The following GMDS variants were observed in gnomAD, a reference collection of about 807,000 sequenced individuals.
The protein encoded by GMDS is GDP-mannose 4,6 dehydratase.
GMDS carries 20 observed loss-of-function variants against 49.9 expected under a neutral mutation model. That is an observed-to-expected ratio of 0.40 (90% CI 0.28 to 0.58). The LOEUF (loss-of-function observed/expected upper bound fraction) is 0.58. GMDS is among the 20% of genes least tolerant of loss of function. The pLI, the probability that GMDS is intolerant of heterozygous loss-of-function variation, is 0.42. For synonymous variants in GMDS, 177 were observed against 178.6 expected (o/e 0.99, Z 0.07); for missense variants, 362 against 481.4 (o/e 0.75, Z 2.32).
At chr6:1,680,854 A>G (rs1241130617) in intron 9 of GMDS, among the ~76,000 whole-genome samples, 1 of 152,204 alleles carries the variant, frequency 6.6e-6, no homozygotes, top group Admixed American at 6.5e-5. Flanking sequence ...TGAAATGGAC[A>G]TAAGTGACCT....
At chr6:2,124,659 T>C (rs760433425) in intron 2 of GMDS, 28 bp downstream of exon 2, 1 of 1,598,318 alleles carries the variant, frequency 6.3e-7, no homozygotes, top group Non-Finnish European at 8.6e-7. Context: ...CCCACCAGCC[T>C]GCGCCCGCTT....
intron 7 of GMDS, among the ~76,000 whole-genome samples, chr6:1,845,140 C>A (rs1757332907): frequency 6.6e-6 from 1 of 152,206 alleles, no homozygotes; most frequent in African/African-American, 2.4e-5. Context: ...GTTTTCATAT[C>A]ACACAGCATT....
At chr6:1,669,585 G>A (rs1764348090) in intron 9 of GMDS, among the ~76,000 whole-genome samples, 1 of 152,152 alleles carries the variant, frequency 6.6e-6, no homozygotes, top group African/African-American at 2.4e-5. Flanking sequence ...CCGCAGCTCA[G>A]GCACCTCTGT....
At chr6:1,801,942 G>A (rs1311347384) in intron 7 of GMDS, among the ~76,000 whole-genome samples, 2 of 152,044 alleles carry the variant, frequency 1.3e-5, no homozygotes, top group Admixed American at 6.5e-5. Context: ...CTCCCACCCC[G>A]AATAAAAACG....
intron 1 of GMDS, among the ~76,000 whole-genome samples, chr6:2,157,606 C>T (rs886192738): frequency 6.6e-6 from 1 of 152,154 alleles, no homozygotes. Context: ...GAGTAATTTT[C>T]ACTACCAAAA....
At position 1,624,408 on chromosome 6, in the gene GMDS, G is replaced by A; in HGVS notation, c.1056+64C>T. 4.7e-6 allele frequency: 7 copies of A among 1,476,680 alleles called. No individual in the cohort carries two copies. The South Asian group carries it at 6.9e-5, about 15-fold the overall frequency. The allele number at this position is 1,476,680 out of a possible 1,614,324, so 91.5% of individuals were successfully genotyped here. On this transcript the variant is annotated intron_variant, in intron 10 of 10. Coordinates refer to ENST00000380815, the MANE Select transcript of GMDS (RefSeq NM_001500.4). ...GCAGGCGCCTCAGGCGCCCGACCCTGAGAGCTGCCGCCCTGCAGCCCGGGG... is the reference window on the plus strand; with the variant it reads ...GCAGGCGCCTCAGGCGCCCGACCCTAAGAGCTGCCGCCCTGCAGCCCGGGG...
rs1027684250 is a variant in GMDS, at chr6:2,245,384, G to T, written c.39C>A (p.Gly13=). The part of the protein sequence containing the change: ...HAPARCPSAR[G]SGDGEMGKPR... ...GCTTGCCCATCTCGCCGTCCCCGGA[G>T]CCCCGGGCGCTGGGGCAGCGTGCCG... is the stretch of plus-strand genomic sequence containing the variant. The change falls in exon 1 of 11, where the codon GGC becomes GGA. Residue 13 remains glycine (G), a synonymous_variant. Transcript: ENST00000380815. The T allele has an allele frequency of 1.3e-6, 2 of 1,545,544 alleles. No individual in the cohort carries two copies. The highest frequency in any genetic ancestry group is 1.4e-5 in the African/African-American group (1 of 72,162).
intron 1 of GMDS, among the ~76,000 whole-genome samples, chr6:2,138,306 A>G (rs1264054652): frequency 6.6e-6 from 1 of 152,226 alleles, no homozygotes; most frequent in East Asian, 1.9e-4. Flanking sequence ...AGTGAAAAAT[A>G]TCTTTAAGTT....
At chr6:1,963,499 T>G (rs1403800513) in intron 4 of GMDS, among the ~76,000 whole-genome samples, 3 of 152,238 alleles carry the variant, frequency 2.0e-5, no homozygotes, top group Non-Finnish European at 4.4e-5. Context: ...AATGTTTTAT[T>G]CCAAGAGTTT....
intron 7 of GMDS, among the ~76,000 whole-genome samples, chr6:1,868,299 T>C (rs911732780): frequency 2.0e-5 from 3 of 152,198 alleles, no homozygotes; most frequent in African/African-American, 7.2e-5. Context: ...ACAGCTGTTC[T>C]GTCATCATGT....
At chr6:2,161,231 G>A (rs57230788) in intron 1 of GMDS, among the ~76,000 whole-genome samples, 290 of 151,778 alleles carry the variant, frequency 1.9e-3, no homozygotes, top group African/African-American at 6.8e-3. Context: ...GGATGGTCTC[G>A]ATCTCCTGAC....
chr6:2,237,710 TG>T (rs1007123568), intron 1 of GMDS, among the ~76,000 whole-genome samples: 13 of 151,972 alleles, frequency 8.6e-5, no homozygotes, highest in African/African-American at 3.1e-4. Flanking sequence ...TTAGTAGAGA[TG>T]GGGTTTCTCC....
At chr6:2,090,550 A>G (rs946825295) in intron 4 of GMDS, among the ~76,000 whole-genome samples, 1 of 152,228 alleles carries the variant, frequency 6.6e-6, no homozygotes, top group Non-Finnish European at 1.5e-5. Context: ...TAGATTTTTT[A>G]AACTCTTAAG....
chr6:1,927,945 T>C (rs114450411), intron 7 of GMDS, among the ~76,000 whole-genome samples: 2,200 of 152,360 alleles, frequency 0.014, 48 homozygotes, highest in African/African-American at 0.051. Flanking sequence ...CATTATGGTA[T>C]ACTGTTTCCC....
chr6:1,935,757 G>A (rs1474414030), intron 6 of GMDS, among the ~76,000 whole-genome samples: 1 of 152,188 alleles, frequency 6.6e-6, no homozygotes, highest in Non-Finnish European at 1.5e-5. Context: ...ACACTCGTTG[G>A]ATTGAGATAA....
intron 7 of GMDS, among the ~76,000 whole-genome samples, chr6:1,752,221 G>A (rs1337580081): frequency 6.6e-6 from 1 of 152,132 alleles, no homozygotes; most frequent in Non-Finnish European, 1.5e-5. Flanking sequence ...AACACAGCAT[G>A]AGAACTTCGT....
chr6:1,765,370 G>C (rs1768310224), intron 7 of GMDS, among the ~76,000 whole-genome samples: 1 of 152,168 alleles, frequency 6.6e-6, no homozygotes, highest in African/African-American at 2.4e-5. Context: ...AAGAAGGTGA[G>C]ATGGGAACAC....
intron 9 of GMDS, among the ~76,000 whole-genome samples, chr6:1,684,502 T>C (rs551274124): frequency 6.6e-6 from 1 of 152,138 alleles, no homozygotes; most frequent in South Asian, 2.1e-4. Flanking sequence ...ACGAAGACTA[T>C]GAAATGAATG....
At chr6:2,187,553 T>A (rs1778832079) in intron 1 of GMDS, among the ~76,000 whole-genome samples, 1 of 152,218 alleles carries the variant, frequency 6.6e-6, no homozygotes, top group Admixed American at 6.5e-5. Context: ...ATGCCTCATT[T>A]CACTTAATCC....
Sources: allele counts gnomAD v4.1 joint callset (sites outside exome capture counted in the v4.1 genomes callset), GRCh38; gene constraint gnomAD v4.1.1; transcripts MANE v1.5; gene names NCBI Gene and HGNC (gene_info 2026-07-23, HGNC 2026-07-21).